Variants in VPS13C observed in about 807,000 individuals in gnomAD.
VPS13C encodes the protein vacuolar protein sorting 13 homolog C, also known as intermembrane lipid transfer protein VPS13C.
Under a neutral mutation model 456.8 loss-of-function variants are expected in VPS13C, and 358 were observed. The observed-to-expected ratio is 0.78, with a 90% CI of 0.72 to 0.86. The LOEUF (loss-of-function observed/expected upper bound fraction) is 0.86, where lower values mean the gene tolerates loss of function less well. VPS13C is among the 40% of genes least tolerant of loss of function. The pLI, the probability that VPS13C is intolerant of heterozygous loss-of-function variation, is 0.00. For synonymous variants in VPS13C, 1,578 were observed against 1,486.7 expected, an observed-to-expected ratio of 1.06 and a Z score of -1.41; for missense variants, 4,818 against 4,385.4, an observed-to-expected ratio of 1.10 and a Z score of -2.79.
At chr15:61,983,663 C>A in intron 20 of VPS13C, 157 bp downstream of exon 20, 1 of 742,908 alleles carries the variant, frequency 1.3e-6, no homozygotes, top group Non-Finnish European at 2.1e-6. Context: ...TCAAAATTAG[C>A]TGCTGAACAT....
At chr15:61,963,284 A>G (rs1192209169) in intron 32 of VPS13C, among the ~76,000 whole-genome samples, 1 of 152,072 alleles carries the variant, frequency 6.6e-6, no homozygotes, top group Non-Finnish European at 1.5e-5. Context: ...TATTCAACAT[A>G]TTCTTGACCT....
rs143733845 is a variant in VPS13C, at chr15:61,856,398, C to T, written c.10964G>A (p.Cys3655Tyr). 5 of 1,612,104 alleles carry T rather than the reference C, an allele frequency of 3.1e-6. No homozygotes were observed. The highest frequency in any genetic ancestry group is 1.7e-4 in the Middle Eastern group (1 of 6,052). ...GCCCAGGATTTCAACTTCCTTTATA[C>T]ACAACACTCGCCTATTTTGCAAAAG... Reference protein sequence around the residue: ...ILMVTNRRVLCIKEVEILGLM... With the variant: ...ILMVTNRRVLYIKEVEILGLM... The change falls in exon 83 of 85, where the codon TGT (cysteine) becomes TAT (tyrosine). Residue 3655 changes from cysteine (C) to tyrosine (Y), a missense_variant. Physicochemically the swap from Cys to Tyr is radical, Grantham distance 194. This residue lies in a region of VPS13C where 261 missense variants were observed against 234.1 expected (regional missense o/e 1.11). Transcript: ENST00000644861.
chr15:62,025,770 C>G (rs1384082617), intron 6 of VPS13C, among the ~76,000 whole-genome samples: 1 of 152,018 alleles, frequency 6.6e-6, no homozygotes, highest in Non-Finnish European at 1.5e-5. Context: ...AAGCAGTTCT[C>G]AAAGACTTTG....
intron 66 of VPS13C, among the ~76,000 whole-genome samples, chr15:61,905,714 A>T (rs2043135419): frequency 6.6e-6 from 1 of 151,962 alleles, no homozygotes; most frequent in Non-Finnish European, 1.5e-5. Context: ...TCATTTTCTC[A>T]TTGTTTTGAA....
chr15:61,892,469 T>C (rs1403193230), intron 66 of VPS13C, among the ~76,000 whole-genome samples: 16 of 152,062 alleles, frequency 1.1e-4, no homozygotes, highest in Non-Finnish European at 4.4e-5. Context: ...TGATCTAGGA[T>C]AAAGGGGACC....
At chr15:61,958,800 A>T in intron 36 of VPS13C, 84 bp from the exon 37 acceptor site, 1 of 685,480 alleles carries the variant, frequency 1.5e-6, no homozygotes, top group Non-Finnish European at 2.3e-6. Flanking sequence ...TCCCATTTGC[A>T]ACACATGAGG....
rs1424767785 is a variant in VPS13C at position 61,854,128 on chromosome 15, T to C, written c.*329A>G. ...TCTAAGCTCATTTCTTATTCTTCAGTAAGGCTTTAATTAAATATAAGCCTA... is the reference window on the plus strand; with the variant it reads ...TCTAAGCTCATTTCTTATTCTTCAGCAAGGCTTTAATTAAATATAAGCCTA... On this transcript the variant is annotated 3_prime_UTR_variant, in exon 85 of 85. Transcript: ENST00000644861. 3.5e-6 allele frequency: 1 copy of C among 282,720 alleles called. No homozygotes were observed. The highest frequency in any genetic ancestry group is 6.7e-6 in the Non-Finnish European group (1 of 149,688). The allele number at this position is 282,720 out of a possible 1,614,324, so 17.5% of individuals were successfully genotyped here.
In VPS13C at chr15:61,916,018, G is replaced by T; in HGVS notation, c.8060C>A (p.Thr2687Lys). ...PYSLRYLLEG[T>K]AETHELAEGS... ...TTCTGCCAGCTCATGAGTTTCTGCT[G>T]TTCCCTAAAAACAAACAAAAATTCG... is the stretch of plus-strand genomic sequence containing the variant. The change falls in exon 61 of 85, where the codon ACA (threonine) becomes AAA (lysine). Residue 2687 changes from threonine (T) to lysine (K), a missense_variant. Coordinates refer to ENST00000644861, the MANE Select transcript of VPS13C (RefSeq NM_020821.3). The T allele has an allele frequency of 6.4e-7, 1 of 1,555,170 alleles. No homozygotes were observed.
intron 1 of VPS13C, among the ~76,000 whole-genome samples, chr15:62,051,395 T>C (rs1017872955): frequency 6.6e-6 from 1 of 152,212 alleles, no homozygotes; most frequent in Non-Finnish European, 1.5e-5. Flanking sequence ...ACAGGTTGTA[T>C]ACATTAAGCA....
At chr15:62,032,829 C>A (rs2047863486) in intron 5 of VPS13C, among the ~76,000 whole-genome samples, 1 of 151,656 alleles carries the variant, frequency 6.6e-6, no homozygotes. Flanking sequence ...TCCTTCAATT[C>A]ATCACTCTAT....
chr15:61,929,035 T>C (rs368261475), intron 51 of VPS13C, among the ~76,000 whole-genome samples: 69 of 152,308 alleles, frequency 4.5e-4, no homozygotes, highest in Non-Finnish European at 5.6e-4. Flanking sequence ...GGCTTCAGCA[T>C]ACACCTAGAC....
At chr15:62,010,347 A>G (rs944579536) in intron 13 of VPS13C, 125 bp downstream of exon 13, 3 of 1,060,134 alleles carry the variant, frequency 2.8e-6, no homozygotes, top group Non-Finnish European at 3.8e-6. Flanking sequence ...AAAAATTTTT[A>G]AACAGTCAAA....
intron 24 of VPS13C, among the ~76,000 whole-genome samples, chr15:61,975,122 A>G (rs1469720936): frequency 6.6e-6 from 1 of 152,136 alleles, no homozygotes; most frequent in African/African-American, 2.4e-5. Flanking sequence ...ACTGGGGTAC[A>G]GTAAAGCACT....
intron 41 of VPS13C, among the ~76,000 whole-genome samples, chr15:61,949,824 C>T (rs2044727034): frequency 6.6e-6 from 1 of 152,098 alleles, no homozygotes; most frequent in South Asian, 2.1e-4. Context: ...ACAATTTTAA[C>T]TCAAAAGAAC....
chr15:61,962,445 C>T lies in VPS13C; in HGVS notation c.3529G>A (p.Val1177Met), dbSNP rs1405040569. Reference sequence around the variant, plus strand: ...ACATTCAGAGACAGCACACCATCCACTTTGGACATGTCAGTATACAAATCC... The same window carrying T: ...ACATTCAGAGACAGCACACCATCCATTTTGGACATGTCAGTATACAAATCC... ...EGDLYTDMSK[V>M]DGVLSLNVGC... is the part of the protein sequence containing the mutation. The change falls in exon 34 of 85, where the codon GTG becomes ATG. Residue 1177 changes from valine to methionine, a missense_variant. This residue lies in a region of VPS13C where 4,552 missense variants were observed against 4,130.6 expected (regional missense o/e 1.10). Transcript: ENST00000644861. The T allele has an allele frequency of 3.1e-6, 5 of 1,611,906 alleles. No homozygotes were observed. The highest frequency in any genetic ancestry group is 4.2e-6 in the Non-Finnish European group (5 of 1,178,762).
At chr15:62,060,237 C>T in intron 1 of VPS13C, 38 bp downstream of exon 1, 1 of 1,312,240 alleles carries the variant, frequency 7.6e-7, no homozygotes, top group East Asian at 2.5e-5. Flanking sequence ...GCTGGGCCCT[C>T]AGCGCCCGCA....
rs139890123 is a variant in VPS13C at position 61,973,465 on chromosome 15, G to A, written c.2606C>T (p.Thr869Ile). ...GLLGTSLLLDTVESESDDEYF... is the reference protein window; with the variant it reads ...GLLGTSLLLDIVESESDDEYF... ...TTTACTTTCCTTACCTGATTCCACA[G>A]TGTCTAGCAATAGTGAAGTACCAAG... Residue 869 changes from threonine to isoleucine, a missense_variant, in exon 26 of 85, where the codon ACT becomes ATT. By Grantham distance (89) the Thr-to-Ile change is moderately conservative. Coordinates refer to ENST00000644861, the MANE Select transcript of VPS13C (RefSeq NM_020821.3). The A allele has an allele frequency of 1.2e-6, 2 of 1,610,858 alleles. No individual in the cohort carries two copies. Among genetic ancestry groups the A allele is most frequent in the African/African-American group, 2.7e-5 (2 of 74,826 alleles).
At chr15:61,918,652 A>T (rs371562941) in intron 58 of VPS13C, among the ~76,000 whole-genome samples, 3 of 152,086 alleles carry the variant, frequency 2.0e-5, no homozygotes, top group East Asian at 1.9e-4. Flanking sequence ...TCTTTTCTTG[A>T]CATCAGTCTG....
chr15:61,994,486 G>A (rs1476665512), intron 16 of VPS13C, among the ~76,000 whole-genome samples: 4 of 152,154 alleles, frequency 2.6e-5, no homozygotes, highest in Admixed American at 2.6e-4. Context: ...TTGAGAAAAT[G>A]CAGAGATAAG....
Sources: gnomAD v4.1 joint callset for allele counts (sites outside exome capture counted in the v4.1 genomes callset) on GRCh38, gnomAD v4.1.1 for gene constraint, gnomAD v4.1.1 regional missense constraint, MANE v1.5 for transcripts, NCBI Gene and HGNC (gene_info 2026-07-23, HGNC 2026-07-21) for gene names.